The following ENPP6 variants were observed in gnomAD, a reference collection of about 807,000 sequenced individuals.
ENPP6 encodes ectonucleotide pyrophosphatase/phosphodiesterase 6.
In ENPP6, 32 loss-of-function variants were observed where a neutral mutation model predicts 42.0. The observed-to-expected ratio is 0.76, with a 90% CI of 0.58 to 1.02. ENPP6 has a LOEUF of 1.02. Ranked by LOEUF, ENPP6 falls within the 50% of genes least tolerant of loss-of-function variation. The probability of loss-of-function intolerance (pLI) is 0.00; values close to 1 mark genes in which losing one functional copy is unlikely to be tolerated. For synonymous variants in ENPP6, 213 were observed against 216.0 expected, an observed-to-expected ratio of 0.99 and a Z score of 0.12; for missense variants, 552 against 566.8, an observed-to-expected ratio of 0.97 and a Z score of 0.27.
chr4:184,106,453 C>T (rs1412758402), intron 6 of ENPP6, among the ~76,000 whole-genome samples: 1 of 152,192 alleles, frequency 6.6e-6, no homozygotes, highest in Non-Finnish European at 1.5e-5. Flanking sequence ...CACTTGGCCA[C>T]CTGGCCCATT....
chr4:184,092,301 C>G (rs924872594), intron 7 of ENPP6, among the ~76,000 whole-genome samples: 1 of 152,114 alleles, frequency 6.6e-6, no homozygotes, highest in Admixed American at 6.5e-5. Flanking sequence ...GAGTGGAACA[C>G]TCTTTGGGAG....
chr4:184,156,137 T>C (rs1280307317), intron 1 of ENPP6, among the ~76,000 whole-genome samples: 5 of 152,112 alleles, frequency 3.3e-5, no homozygotes, highest in African/African-American at 7.2e-5. Flanking sequence ...GTGGAGAAAG[T>C]TGGGTTTCTT....
At chr4:184,117,381 AG>A (rs1736338099) in intron 4 of ENPP6, among the ~76,000 whole-genome samples, 1 of 152,240 alleles carries the variant, frequency 6.6e-6, no homozygotes, top group Admixed American at 6.5e-5. Context: ...AAGCACAGGA[AG>A]GGAAAGCAAA....
intron 1 of ENPP6, among the ~76,000 whole-genome samples, chr4:184,156,145 C>T (rs1737155967): frequency 6.6e-6 from 1 of 152,160 alleles, no homozygotes; most frequent in Non-Finnish European, 1.5e-5. Flanking sequence ...AGTTGGGTTT[C>T]TTCTTTTGGT....
At chr4:184,152,290 C>T (rs927308471) in intron 2 of ENPP6, among the ~76,000 whole-genome samples, 1 of 152,174 alleles carries the variant, frequency 6.6e-6, no homozygotes, top group African/African-American at 2.4e-5. Context: ...GCTCCCCACA[C>T]ACCCACCTCT....
rs569572557 is a variant in ENPP6, at chr4:184,165,069, T to C, written c.242-11336A>G. ...GGATGCATTCAGAGGAACACGTCAG[T>C]CCAGGTGGAAGGTCTTGGGGCTGAG... On this transcript the variant is annotated intron_variant, in intron 1 of 7. Coordinates refer to ENST00000296741, the MANE Select transcript of ENPP6 (RefSeq NM_153343.4). 5.6e-4 allele frequency among the ~76,000 whole-genome samples: 86 copies of C among 152,262 alleles called. 1 individual carries two copies. The highest frequency in any genetic ancestry group is 3.4e-3 in the Middle Eastern group (1 of 294).
At chr4:184,207,595 C>A (rs1733022185) in intron 1 of ENPP6, among the ~76,000 whole-genome samples, 1 of 152,244 alleles carries the variant, frequency 6.6e-6, no homozygotes, top group Non-Finnish European at 1.5e-5. Flanking sequence ...AGAGAGAGAG[C>A]TTATGCCTAA....
At chr4:184,157,631 T>C (rs1260368745) in intron 1 of ENPP6, among the ~76,000 whole-genome samples, 1 of 151,108 alleles carries the variant, frequency 6.6e-6, no homozygotes, top group Non-Finnish European at 1.5e-5. Context: ...CTCTCTTTCT[T>C]CTTCCTGATC....
chr4:184,100,451 G>A (rs972273313), intron 6 of ENPP6, among the ~76,000 whole-genome samples: 2 of 152,200 alleles, frequency 1.3e-5, no homozygotes, highest in South Asian at 2.1e-4. Flanking sequence ...CAGCCACTGC[G>A]GGGCCCAGGG....
intron 1 of ENPP6, among the ~76,000 whole-genome samples, chr4:184,183,440 A>G (rs1301145681): frequency 2.6e-5 from 4 of 152,170 alleles, no homozygotes; most frequent in Non-Finnish European, 5.9e-5. Flanking sequence ...TTCTGTAGGT[A>G]GAATTCTCCT....
intron 1 of ENPP6, among the ~76,000 whole-genome samples, chr4:184,209,744 A>C (rs1434453113): frequency 1.3e-5 from 2 of 148,658 alleles, no homozygotes; most frequent in Non-Finnish European, 3.0e-5. Context: ...AACGCCACAA[A>C]GATACCCCTC....
chr4:184,139,387 G>T (rs567299599), intron 2 of ENPP6, among the ~76,000 whole-genome samples: 1 of 148,882 alleles, frequency 6.7e-6, no homozygotes, highest in Admixed American at 6.7e-5. Context: ...TTAAGTTTTC[G>T]GGTACATGTG....
Position 184,184,453 on chromosome 4 carries a change from G to A in ENPP6, c.242-30720C>T, listed in dbSNP as rs865908307. On this transcript the variant is annotated intron_variant, in intron 1 of 7. Coordinates refer to ENST00000296741, the MANE Select transcript of ENPP6 (RefSeq NM_153343.4). This position sits in a 1 kb window ranked among gnomAD's most constrained non-coding sequence, Gnocchi z 4.7. ...AATGCAGCTGAAAAAATAATGAACT[G>A]GAAGATGTAATTGAAAAAATAATGC... Among the ~76,000 whole-genome samples, 2 of 152,090 alleles carry A rather than the reference G, an allele frequency of 1.3e-5. No homozygotes were observed. The highest frequency in any genetic ancestry group is 4.2e-4 in the South Asian group (2 of 4,814).
chr4:184,194,008 C>T (rs1453151259), intron 1 of ENPP6, among the ~76,000 whole-genome samples: 1 of 152,088 alleles, frequency 6.6e-6, no homozygotes, highest in Admixed American at 6.5e-5. Context: ...CCTCTGTTGC[C>T]ACGGTCCCTG....
At chr4:184,131,363 T>A (rs1736630234) in intron 2 of ENPP6, among the ~76,000 whole-genome samples, 2 of 146,914 alleles carry the variant, frequency 1.4e-5, no homozygotes, top group Admixed American at 1.4e-4. Context: ...TTCTTCTTTC[T>A]TTTTTTTTGA....
chr4:184,131,203 TCTTTC>T (rs774059085), intron 2 of ENPP6, among the ~76,000 whole-genome samples: 1 of 79,864 alleles, frequency 1.3e-5, no homozygotes, highest in Non-Finnish European at 2.5e-5. Context: ...CTTTCTTTCT[TCTTTC>T]TTTCTTTCTT....
At position 184,116,978 on chromosome 4, in the gene ENPP6, C is replaced by T. The variant is rs775345484; in HGVS notation, c.733G>A (p.Asp245Asn). Residue 245 changes from aspartate to asparagine, a missense_variant, in exon 5 of 8, where the codon GAC (aspartate) becomes AAC (asparagine). Physicochemically the swap from Asp to Asn is conservative, Grantham distance 23. Around this residue, in one of 2 missense-constraint regions of ENPP6, gnomAD observed 545 missense variants for 546.3 expected, o/e 1.00. Transcript: ENST00000296741. ...ATCACTTTGTCCATCCAGAAAATGT[C>T]GGTCATTCCGTGATCCGAGAAAATA... ...VIIFSDHGMT[D>N]IFWMDKVIEL... 7 of 1,614,180 alleles carry T rather than the reference C, an allele frequency of 4.3e-6. No homozygotes were observed. The highest frequency in any genetic ancestry group is 1.3e-5 in the African/African-American group (1 of 75,046).
At position 184,156,243 on chromosome 4, in the gene ENPP6, A is replaced by G. The variant is rs565951167; in HGVS notation, c.242-2510T>C. ...AGAGCAGCCTTTCCCGGAAGCTGGC[A>G]GGAGGAGGCTGCTTCAGATCTTGTC... On this transcript the variant is annotated intron_variant, in intron 1 of 7. Coordinates refer to ENST00000296741, the MANE Select transcript of ENPP6 (RefSeq NM_153343.4). Among the ~76,000 whole-genome samples the G allele has an allele frequency of 2.1e-3, 320 of 152,286 alleles. 8 individuals are homozygous for G. Among genetic ancestry groups the G allele is most frequent in the East Asian group, 9.6e-4 (5 of 5,184 alleles).
chr4:184,164,707 G>A (rs73007863), intron 1 of ENPP6, among the ~76,000 whole-genome samples: 39,659 of 152,112 alleles, frequency 0.26, 5,448 homozygotes, highest in Non-Finnish European at 0.29. Context: ...CTTCGTTACA[G>A]CAGGCCTAGG....
Sources: gnomAD v4.1 joint callset for allele counts (sites outside exome capture counted in the v4.1 genomes callset) on GRCh38, gnomAD v4.1.1 for gene constraint, gnomAD v4.1.1 regional missense constraint, Gnocchi (gnomAD v3.1) non-coding constraint, MANE v1.5 for transcripts, NCBI Gene and HGNC (gene_info 2026-07-23, HGNC 2026-07-21) for gene names.